Variants in RTEL1 observed in about 807,000 individuals in gnomAD.
RTEL1 encodes the protein regulator of telomere elongation helicase 1.
Under a neutral mutation model 162.2 loss-of-function variants are expected in RTEL1, and 86 were observed. That is an observed-to-expected ratio of 0.53 (90% CI 0.45 to 0.63). The LOEUF (loss-of-function observed/expected upper bound fraction) is 0.63. RTEL1 is among the 30% of genes least tolerant of loss of function. The pLI, the probability that RTEL1 is intolerant of heterozygous loss-of-function variation, is 0.00. For missense variants in RTEL1, 1,941 were observed against 1,750.2 expected (o/e 1.11, Z -1.95); for synonymous variants, 958 against 717.9 (o/e 1.33, Z -5.35).
chr20:63,664,145 G>A (rs2090075809), intron 6 of RTEL1, among the ~76,000 whole-genome samples: 1 of 152,222 alleles, frequency 6.6e-6, no homozygotes, highest in South Asian at 2.1e-4. Context: ...TGTGCCCCCA[G>A]GTTCCCTGAC....
chr20:63,672,984 C>T (rs982587582), intron 9 of RTEL1, among the ~76,000 whole-genome samples: 1 of 152,234 alleles, frequency 6.6e-6, no homozygotes, highest in Non-Finnish European at 1.5e-5. Context: ...CTTCCGGCCA[C>T]ATGGCTTGAG....
intron 8 of RTEL1, 95 bp from the exon 9 acceptor site, chr20:63,672,461 C>G: frequency 9.7e-7 from 1 of 1,031,320 alleles, no homozygotes; most frequent in Non-Finnish European, 1.5e-6. Context: ...CTCATCTGCG[C>G]TTGTGATGTT....
chr20:63,678,013 C>T, intron 10 of RTEL1, 132 bp from the exon 11 acceptor site: 3 of 1,018,722 alleles, frequency 2.9e-6, no homozygotes, highest in Non-Finnish European at 4.5e-6. Flanking sequence ...ATTTGGCCTG[C>T]ATGGATTCTG....
intron 22 of RTEL1, among the ~76,000 whole-genome samples, 162 bp from the exon 23 acceptor site, chr20:63,689,340 C>T (rs1385145063): frequency 1.3e-5 from 2 of 152,174 alleles, no homozygotes; most frequent in African/African-American, 2.4e-5. Context: ...TTGGAGGTGG[C>T]GTCTGGGAGC....
chr20:63,693,549 A>ACCACCT (rs1568720820), intron 30 of RTEL1, among the ~76,000 whole-genome samples: 2 of 14,506 alleles, frequency 1.4e-4, no homozygotes, highest in East Asian at 1.4e-3. Context: ...CACCACCACC[A>ACCACCT]CCACCTCCAC....
Position 63,692,953 on chromosome 20 carries a change from G to C in RTEL1, c.2801G>C (p.Cys934Ser), listed in dbSNP as rs1263651818. The change falls in exon 29 of 35, where the codon TGT becomes TCT. Residue 934 changes from cysteine to serine, a missense_variant. By Grantham distance (112) the Cys-to-Ser change is moderately radical (BLOSUM62 -1). Coordinates refer to ENST00000360203, the MANE Select transcript of RTEL1 (RefSeq NM_001283009.2). ...GATGACTTCGCCGCCCTGGCCGCCT[G>C]TCTCGGCCCCCTCTTTGCTGAGGAC... Reference protein sequence around the residue: ...GSDDFAALAACLGPLFAEDPK... With the variant: ...GSDDFAALAASLGPLFAEDPK... 6.2e-7 allele frequency: 1 copy of C among 1,612,666 alleles called. No individual in the cohort carries two copies. The highest frequency in any genetic ancestry group is 1.1e-5 in the South Asian group (1 of 91,088).
chr20:63,664,138 G>A (rs1190838595), intron 6 of RTEL1, among the ~76,000 whole-genome samples: 1 of 152,174 alleles, frequency 6.6e-6, no homozygotes, highest in East Asian at 1.9e-4. Flanking sequence ...CTGCCTTTGT[G>A]CCCCCAGGTT....
intron 8 of RTEL1, among the ~76,000 whole-genome samples, chr20:63,669,009 A>T (rs1175111566): frequency 6.6e-6 from 1 of 151,768 alleles, no homozygotes; most frequent in African/African-American, 2.4e-5. Context: ...TTTCAGTTGG[A>T]ATCTCACTCT....
At chr20:63,665,887 T>G (rs2090115907) in intron 6 of RTEL1, 117 bp from the exon 7 acceptor site, 6 of 870,648 alleles carry the variant, frequency 6.9e-6, no homozygotes. Flanking sequence ...TCACGGTTGG[T>G]GGGGGACGCC....
At position 63,694,306 on chromosome 20, in the gene RTEL1, C is replaced by T. The variant is rs756197039; in HGVS notation, c.2993-66C>T. The T allele has an allele frequency of 8.1e-5, 74 of 908,688 alleles. 1 individual carries two copies. Among genetic ancestry groups the T allele is most frequent in the Non-Finnish European group, 1.2e-4 (65 of 551,910 alleles). 56.3% of individuals were successfully genotyped at this position (908,688 alleles called of 1,614,324 possible). A position where few individuals can be genotyped will look rare whatever the true frequency, so the allele number is the denominator to read the frequency against. On this transcript the variant is annotated intron_variant, in intron 30 of 34. Transcript: ENST00000360203. ...GCCTGGCCTCCCTAGCCAGCCCTGC[C>T]CCCCCACCCCAGGGAACTTTCCAGA... is the stretch of plus-strand genomic sequence containing the variant.
rs181126102 is a variant in RTEL1, at chr20:63,688,845, T to G, written c.1801-210T>G. The G allele has an allele frequency of 0.012, 7,931 of 648,882 alleles. 72 individuals carry two copies. The highest frequency in any genetic ancestry group is 0.035 in the Middle Eastern group (82 of 2,358). 40.2% of individuals were successfully genotyped at this position (648,882 alleles called of 1,614,324 possible). On this transcript the variant is annotated intron_variant, in intron 21 of 34. Coordinates refer to ENST00000360203, the MANE Select transcript of RTEL1 (RefSeq NM_001283009.2). ...TCTGAGTAGCCCTAGTCGGCCACCC[T>G]GGCCCTGGGGTTCCCCGTGTTTTCT...
intron 21 of RTEL1, 49 bp downstream of exon 21, chr20:63,688,654 C>A: frequency 1.3e-6 from 2 of 1,530,906 alleles, no homozygotes; most frequent in South Asian, 1.2e-5. Flanking sequence ...CGTGCCTCCC[C>A]TGCCTCTCAC....
Position 63,659,393 on chromosome 20 carries a change from A to G in RTEL1, c.-10A>G. On this transcript the variant is annotated 5_prime_UTR_variant, in exon 2 of 35. Transcript: ENST00000360203. ...AGCCACGCTCTGTGCCCTTCTGAGA[A>G]CAGGCTGATATGCCCAAGATAGTCC... 6.2e-7 allele frequency: 1 copy of G among 1,609,578 alleles called. No homozygotes were observed. Among genetic ancestry groups the G allele is most frequent in the South Asian group, 1.1e-5 (1 of 91,004 alleles).
intron 28 of RTEL1, 31 bp from the exon 29 acceptor site, chr20:63,692,774 C>A (rs567422947): frequency 6.3e-7 from 1 of 1,597,134 alleles, no homozygotes; most frequent in Non-Finnish European, 8.6e-7. Context: ...TGAGGCTGGC[C>A]CTGATGGAGC....
At chr20:63,678,498 T>C (rs1000859981) in intron 12 of RTEL1, 152 bp downstream of exon 12, 5 of 702,516 alleles carry the variant, frequency 7.1e-6, no homozygotes, top group East Asian at 5.4e-5. Context: ...CTGCTTTGCA[T>C]GATCTGGTTG....
Position 63,695,184 on chromosome 20 carries a change from C to T in RTEL1, c.3462C>T (p.Ala1154=), listed in dbSNP as rs113188571. ...CGGGACCCCAGGAGGAGAGGCTTGC[C>T]GTGCCTCCTGTGCTTACCCACAGGG... The part of the protein sequence containing the change: ...EPPGPQEERL[A]VPPVLTHRAP... The change falls in exon 33 of 35, where the codon GCC becomes GCT. Residue 1154 remains alanine (A), a synonymous_variant. Transcript: ENST00000360203. 3.1e-5 allele frequency: 50 copies of T among 1,612,110 alleles called. No individual in the cohort carries two copies. Among genetic ancestry groups the T allele is most frequent in the African/African-American group, 1.1e-4 (8 of 74,876 alleles).
intron 13 of RTEL1, among the ~76,000 whole-genome samples, chr20:63,680,330 C>A (rs1174394527): frequency 6.6e-6 from 1 of 152,196 alleles, no homozygotes; most frequent in Non-Finnish European, 1.5e-5. Context: ...TGGTTTGAGA[C>A]GCCGGGCCCA....
chr20:63,694,318 G>A (rs765048191), intron 30 of RTEL1, 54 bp from the exon 31 acceptor site: 3 of 578,198 alleles, frequency 5.2e-6, no homozygotes, highest in Non-Finnish European at 6.8e-6. Context: ...CCCCACCCCA[G>A]GGAACTTTCC....
chr20:63,665,538 G>A (rs2090108993), intron 6 of RTEL1, among the ~76,000 whole-genome samples: 1 of 152,200 alleles, frequency 6.6e-6, no homozygotes, highest in Admixed American at 6.5e-5. Context: ...TCCCTTAGCT[G>A]GAAGTTCTGG....
Sources: gnomAD v4.1 joint callset for allele counts (sites outside exome capture counted in the v4.1 genomes callset) on GRCh38, gnomAD v4.1.1 for gene constraint, MANE v1.5 for transcripts, NCBI Gene and HGNC (gene_info 2026-07-23, HGNC 2026-07-21) for gene names.